Variants in RNF130 observed in about 807,000 individuals in gnomAD.
RNF130 encodes E3 ubiquitin-protein ligase RNF130.
In RNF130, 21 loss-of-function variants were observed where a neutral mutation model predicts 44.6. The ratio of observed to expected loss-of-function variants is 0.47; its 90% CI spans 0.33 to 0.68. RNF130 has a LOEUF of 0.68. Among genes scored for constraint, RNF130 ranks in the 30% least tolerant of loss-of-function variants. The pLI is 0.02. For missense variants in RNF130, 479 were observed against 560.6 expected (o/e 0.85, Z 1.47); for synonymous variants, 214 against 210.4 (o/e 1.02, Z -0.15).
intron 7 of RNF130, among the ~76,000 whole-genome samples, chr5:179,930,855 A>G (rs904136989): frequency 6.6e-6 from 1 of 151,968 alleles, no homozygotes; most frequent in Non-Finnish European, 1.5e-5. Context: ...CCCAGTAAAC[A>G]TAACAAAACC....
At chr5:179,982,476 A>T (rs1268924687) in intron 3 of RNF130, among the ~76,000 whole-genome samples, 1 of 152,114 alleles carries the variant, frequency 6.6e-6, no homozygotes, top group Non-Finnish European at 1.5e-5. Flanking sequence ...TGTTTTCCAA[A>T]CTGGGCATAT....
At chr5:180,070,599 G>T (rs1765229819) in intron 1 of RNF130, among the ~76,000 whole-genome samples, 1 of 152,146 alleles carries the variant, frequency 6.6e-6, no homozygotes, top group Non-Finnish European at 1.5e-5. Context: ...TGACAATGAG[G>T]GTGGGGATAA....
intron 2 of RNF130, among the ~76,000 whole-genome samples, chr5:180,015,128 C>T (rs906989003): frequency 6.6e-6 from 1 of 152,136 alleles, no homozygotes; most frequent in Non-Finnish European, 1.5e-5. Context: ...TAAAAATCTA[C>T]AAAAAACTAT....
At chr5:179,934,881 T>C (rs965880418) in intron 7 of RNF130, among the ~76,000 whole-genome samples, 2 of 152,172 alleles carry the variant, frequency 1.3e-5, no homozygotes, top group African/African-American at 4.8e-5. Context: ...GTATATTTGT[T>C]TTCCATTGAA....
At chr5:180,055,268 AAAAAAAAAAAAAC>A (rs1322708990) in intron 1 of RNF130, among the ~76,000 whole-genome samples, 1,812 of 22,882 alleles carry the variant, frequency 0.079, 178 homozygotes, top group African/African-American at 0.14. Context: ...AAAAAAAAAA[AAAAAAAAAAAAAC>A]AAAAAAAAAC....
intron 1 of RNF130, among the ~76,000 whole-genome samples, chr5:180,054,519 T>C (rs1764761881): frequency 6.6e-6 from 1 of 152,192 alleles, no homozygotes; most frequent in Non-Finnish European, 1.5e-5. Context: ...TCTTTCCCTC[T>C]ATTGAATTGT....
At chr5:179,963,954 C>T (rs1349830351) in intron 7 of RNF130, 2 of 184,086 alleles carry the variant, frequency 1.1e-5, no homozygotes, top group African/African-American at 4.7e-5. Flanking sequence ...CTTCTTCATT[C>T]TGTCATTTCT....
At chr5:179,950,564 T>C (rs2113689021), downstream of RNF130, among the ~76,000 whole-genome samples, 1 of 152,374 alleles carries the variant, frequency 6.6e-6, no homozygotes, top group Admixed American at 6.5e-5. Context: ...TAATAATGTC[T>C]GTTAAATTTC....
At chr5:179,967,790 T>C (rs1462569472) in intron 6 of RNF130, among the ~76,000 whole-genome samples, 14 of 152,232 alleles carry the variant, frequency 9.2e-5, no homozygotes, top group Admixed American at 9.2e-4. Context: ...AACCTGGAAC[T>C]AATGGCTTCC....
chr5:179,920,226 C>T lies in RNF130; in HGVS notation c.*91G>A, dbSNP rs1362934373. 15 of 631,408 alleles carry T rather than the reference C, an allele frequency of 2.4e-5. No homozygotes were observed. In the East Asian group the frequency reaches 2.5e-4, roughly 10 times the overall value. The allele number at this position is 631,408 out of a possible 1,614,324, so 39.1% of individuals were successfully genotyped here. A position where few individuals can be genotyped will look rare whatever the true frequency, so the allele number is the denominator to read the frequency against. On this transcript the variant is annotated 3_prime_UTR_variant, in exon 8 of 8. Coordinates refer to the RNF130 transcript ENST00000522208. Reference sequence around the variant, plus strand: ...GGAAAGTGCTGCCATTCTTCCAAAACGGATGCTGACAGGAGAATACAAAAT... The same window carrying T: ...GGAAAGTGCTGCCATTCTTCCAAAATGGATGCTGACAGGAGAATACAAAAT...
At chr5:180,045,992 C>G (rs541789986) in intron 1 of RNF130, among the ~76,000 whole-genome samples, 24 of 152,312 alleles carry the variant, frequency 1.6e-4, no homozygotes, top group Admixed American at 1.4e-3. Flanking sequence ...GACCGAGCCC[C>G]GTGGAGCAGG....
intron 1 of RNF130, among the ~76,000 whole-genome samples, chr5:180,068,753 C>G (rs1582238279): frequency 6.6e-6 from 1 of 152,174 alleles, no homozygotes; most frequent in South Asian, 2.1e-4. Context: ...CTATAAAGTT[C>G]TTTTGTCTTT....
chr5:180,059,179 G>A (rs775021020), intron 1 of RNF130, among the ~76,000 whole-genome samples: 19 of 151,962 alleles, frequency 1.3e-4, no homozygotes, highest in East Asian at 3.9e-4. Context: ...TTTAGTCTTC[G>A]TGTATATTTC....
Position 179,970,088 on chromosome 5 carries a change from G to A in RNF130, c.945+322C>T, listed in dbSNP as rs116840136. ...GAGGACTGCTTGAACCCAGGAGTTCGAGGTTACAGTAAGCTATGATTGCAC... is the reference window on the plus strand; with the variant it reads ...GAGGACTGCTTGAACCCAGGAGTTCAAGGTTACAGTAAGCTATGATTGCAC... On this transcript the variant is annotated intron_variant, in intron 6 of 8. Coordinates refer to ENST00000521389, the MANE Select transcript of RNF130 (RefSeq NM_018434.6). Among the ~76,000 whole-genome samples, 588 of 152,170 alleles carry A rather than the reference G, an allele frequency of 3.9e-3. 4 individuals carry two copies. The highest frequency in any genetic ancestry group is 6.4e-3 in the Non-Finnish European group (436 of 68,004).
chr5:179,953,393 A>G (rs1762155844), downstream of RNF130, among the ~76,000 whole-genome samples: 1 of 152,198 alleles, frequency 6.6e-6, no homozygotes, highest in Non-Finnish European at 1.5e-5. Context: ...GGAAAAGAAC[A>G]AAGTTTGAGA....
Position 179,955,216 on chromosome 5 carries a change from C to T in RNF130, c.*438G>A, listed in dbSNP as rs1409209845. 1 of 151,462 alleles carries T rather than the reference C, an allele frequency of 6.6e-6. No homozygotes were observed. The highest frequency in any genetic ancestry group is 1.4e-5 in the Non-Finnish European group (1 of 70,426). The allele number at this position is 151,462 out of a possible 1,614,324, so 9.4% of individuals were successfully genotyped here. ...TGATCAACCACAGAGAAGAAATTAT[C>T]ACAGAGTGAATGTCCCCCTTGAAGA... On this transcript the variant is annotated 3_prime_UTR_variant, in exon 9 of 9. Transcript: ENST00000521389.
chr5:180,011,164 A>G (rs1419146597), intron 3 of RNF130, among the ~76,000 whole-genome samples: 1 of 152,226 alleles, frequency 6.6e-6, no homozygotes, highest in Non-Finnish European at 1.5e-5. Flanking sequence ...AAAATAATTG[A>G]TCTGTACTTT....
At chr5:179,915,643 AG>A (rs1369219344) in exon 8 of RNF130, 3 of 152,176 alleles carry the variant, frequency 2.0e-5, no homozygotes, top group African/African-American at 7.2e-5. Context: ...TTGGCCCCTC[AG>A]GCGGGACTGG....
At chr5:180,004,496 C>A (rs1762365081) in intron 3 of RNF130, among the ~76,000 whole-genome samples, 1 of 152,170 alleles carries the variant, frequency 6.6e-6, no homozygotes, top group South Asian at 2.1e-4. Flanking sequence ...TTCAGTTCTT[C>A]CTCCACTATA....
Sources: allele counts gnomAD v4.1 joint callset (sites outside exome capture counted in the v4.1 genomes callset), GRCh38; gene constraint gnomAD v4.1.1; transcripts MANE v1.5; gene names NCBI Gene and HGNC (gene_info 2026-07-23, HGNC 2026-07-21).